PARD3: variants seen among roughly 807,000 people sequenced by gnomAD.
PARD3 encodes the protein par-3 family cell polarity regulator.
PARD3 carries 75 observed loss-of-function variants against 155.4 expected under a neutral mutation model. The observed-to-expected ratio is 0.48, with a 90% CI of 0.40 to 0.58. The LOEUF is 0.58. Among genes scored for constraint, PARD3 ranks in the 20% least tolerant of loss-of-function variants. The pLI is 0.00. For missense variants in PARD3, 1,642 were observed against 1,721.7 expected (o/e 0.95, Z 0.82); for synonymous variants, 576 against 610.5 (o/e 0.94, Z 0.83).
At chr10:34,574,697 T>G (rs919548361) in intron 2 of PARD3, among the ~76,000 whole-genome samples, 3 of 152,188 alleles carry the variant, frequency 2.0e-5, no homozygotes, top group African/African-American at 7.2e-5. Context: ...TACGGCAGTG[T>G]TCCCTTTAGA....
intron 12 of PARD3, among the ~76,000 whole-genome samples, chr10:34,364,712 G>C (rs1288674143): frequency 6.6e-6 from 1 of 152,118 alleles, no homozygotes; most frequent in African/African-American, 2.4e-5. Flanking sequence ...GGGATTATAG[G>C]CAAGAGCCAC....
rs1952588154 is a variant in PARD3, at chr10:34,226,122, G to C, written c.3419+43535C>G. Among the ~76,000 whole-genome samples the C allele has an allele frequency of 2.0e-5, 3 of 152,152 alleles. No homozygotes were observed. The South Asian group carries it at 6.2e-4, about 32-fold the overall frequency. ...CAATCTTATAAAAACGGAGGCAAAAGATATGAATAGTTTACCAAAAAAGAA... is the reference window on the plus strand; with the variant it reads ...CAATCTTATAAAAACGGAGGCAAAACATATGAATAGTTTACCAAAAAAGAA... On this transcript the variant is annotated intron_variant, in intron 22 of 24. Transcript: ENST00000374788.
At chr10:34,453,292 T>A (rs1230264694) in intron 4 of PARD3, among the ~76,000 whole-genome samples, 1 of 152,236 alleles carries the variant, frequency 6.6e-6, no homozygotes, top group Non-Finnish European at 1.5e-5. Flanking sequence ...TGATTCTCAA[T>A]AGAACTAATC....
chr10:34,449,520 G>GC, intron 5 of PARD3, among the ~76,000 whole-genome samples: 1 of 151,336 alleles, frequency 6.6e-6, no homozygotes, highest in Non-Finnish European at 1.5e-5. Context: ...GTTAATGGGT[G>GC]CAGCACACCA....
At chr10:34,700,207 G>A (rs527423564) in intron 1 of PARD3, among the ~76,000 whole-genome samples, 1 of 152,198 alleles carries the variant, frequency 6.6e-6, no homozygotes, top group Non-Finnish European at 1.5e-5. Context: ...GAAGAAACCT[G>A]GAGACAAAAC....
At chr10:34,321,658 C>T (rs946006387) in intron 19 of PARD3, among the ~76,000 whole-genome samples, 1 of 152,122 alleles carries the variant, frequency 6.6e-6, no homozygotes, top group Non-Finnish European at 1.5e-5. Context: ...AGTCATTCTG[C>T]AATTAAGACA....
intron 20 of PARD3, among the ~76,000 whole-genome samples, chr10:34,287,124 G>A (rs946192728): frequency 6.6e-6 from 1 of 152,110 alleles, no homozygotes; most frequent in African/African-American, 2.4e-5. Flanking sequence ...TAATCTGAGT[G>A]TCAGCAGACA....
intron 2 of PARD3, among the ~76,000 whole-genome samples, chr10:34,643,440 T>A (rs1352021877): frequency 6.6e-6 from 1 of 152,222 alleles, no homozygotes; most frequent in Non-Finnish European, 1.5e-5. Flanking sequence ...ATTACAATAG[T>A]GCCTCTATGG....
chr10:34,391,156 C>G (rs941373574), intron 7 of PARD3, among the ~76,000 whole-genome samples: 1 of 152,072 alleles, frequency 6.6e-6, no homozygotes, highest in African/African-American at 2.4e-5. Flanking sequence ...CCAAACATCT[C>G]AAACCCACCC....
Position 34,413,426 on chromosome 10 carries a change from CA to C in PARD3, c.715-11510del, listed in dbSNP as rs1344395077. ...CTCGGTCTTTTGTTATTCAGATTAG[CA>C]TTTCAAGGGCCAGCTCTACCTTTTT... On this transcript the variant is annotated intron_variant, in intron 5 of 24. Transcript: ENST00000374788. Among the ~76,000 whole-genome samples, 5 of 143,184 alleles carry C rather than the reference CA, an allele frequency of 3.5e-5. No homozygotes were observed. The East Asian group carries it at 1.0e-3, about 29-fold the overall frequency. 93.9% of individuals were successfully genotyped at this position (143,184 alleles called of 152,430 possible).
chr10:34,487,588 G>A (rs570945752), intron 3 of PARD3, among the ~76,000 whole-genome samples: 9 of 151,030 alleles, frequency 6.0e-5, no homozygotes, highest in Admixed American at 2.0e-4. Flanking sequence ...AAGAATTGCC[G>A]CTTCAAATAT....
At chr10:34,696,442 T>C (rs747807567) in intron 1 of PARD3, 23 bp from the exon 2 acceptor site, 1 of 1,376,438 alleles carries the variant, frequency 7.3e-7, no homozygotes, top group Admixed American at 1.7e-5. Flanking sequence ...ACAGAAACAC[T>C]GAATATAGCA....
At chr10:34,312,087 A>T (rs962121993) in intron 20 of PARD3, among the ~76,000 whole-genome samples, 3 of 152,122 alleles carry the variant, frequency 2.0e-5, no homozygotes, top group African/African-American at 7.2e-5. Flanking sequence ...TTCCACTATG[A>T]AAAGGGGCCA....
At chr10:34,490,773 C>T (rs1483536947) in intron 3 of PARD3, among the ~76,000 whole-genome samples, 8 of 152,188 alleles carry the variant, frequency 5.3e-5, no homozygotes, top group Admixed American at 3.9e-4. Flanking sequence ...CCCATCCAAA[C>T]GTCACACTTG....
At chr10:34,714,732 T>C (rs1456969454) in intron 1 of PARD3, among the ~76,000 whole-genome samples, 6 of 152,070 alleles carry the variant, frequency 3.9e-5, no homozygotes, top group Non-Finnish European at 8.8e-5. Context: ...CTCCTGAGTC[T>C]CATTACCACA....
At chr10:34,765,740 C>T (rs375782406) in intron 1 of PARD3, among the ~76,000 whole-genome samples, 7 of 151,912 alleles carry the variant, frequency 4.6e-5, no homozygotes, top group African/African-American at 4.8e-5. Context: ...TATCGTTAAG[C>T]GCTTATTTCT....
chr10:34,529,417 A>C (rs1189999878), intron 2 of PARD3, among the ~76,000 whole-genome samples: 1 of 152,230 alleles, frequency 6.6e-6, no homozygotes, highest in African/African-American at 2.4e-5. Context: ...GCAGTACTCA[A>C]CACCACAAGG....
intron 5 of PARD3, among the ~76,000 whole-genome samples, chr10:34,419,397 G>T (rs1845977414): frequency 6.6e-6 from 1 of 152,094 alleles, no homozygotes; most frequent in African/African-American, 2.4e-5. Flanking sequence ...TGTGCCTGTA[G>T]TCGCAGCTAC....
At chr10:34,275,457 T>C (rs564580983) in intron 21 of PARD3, among the ~76,000 whole-genome samples, 2 of 152,340 alleles carry the variant, frequency 1.3e-5, no homozygotes, top group South Asian at 2.1e-4. Flanking sequence ...GCTGTACAAA[T>C]AGCACTTTAG....
Sources: allele counts gnomAD v4.1 joint callset (sites outside exome capture counted in the v4.1 genomes callset), GRCh38; gene constraint gnomAD v4.1.1; transcripts MANE v1.5; gene names NCBI Gene and HGNC (gene_info 2026-07-23, HGNC 2026-07-21).